Variants in ZCCHC7 observed in about 807,000 individuals in gnomAD.
ZCCHC7 encodes zinc finger CCHC domain-containing protein 7.
In ZCCHC7, 35 loss-of-function variants were observed where a neutral mutation model predicts 52.0. The ratio of observed to expected loss-of-function variants is 0.67; its 90% CI spans 0.51 to 0.89. ZCCHC7 has a LOEUF of 0.89. Ranked by LOEUF, ZCCHC7 falls within the 40% of genes least tolerant of loss-of-function variation. ZCCHC7 has a pLI of 0.00. For synonymous variants in ZCCHC7, 217 were observed against 221.5 expected (o/e 0.98, Z 0.18); for missense variants, 574 against 649.1 (o/e 0.88, Z 1.26).
upstream of ZCCHC7, chr9:37,120,402 G>A: frequency 7.7e-6 from 3 of 389,374 alleles, no homozygotes; most frequent in Non-Finnish European, 1.4e-5. Flanking sequence ...TAATAATTAT[G>A]GGCGGGGCAG....
At chr9:37,213,729 A>G (rs1824360706) in intron 2 of ZCCHC7, among the ~76,000 whole-genome samples, 1 of 152,130 alleles carries the variant, frequency 6.6e-6, no homozygotes, top group East Asian at 1.9e-4. Flanking sequence ...TCACCTCCTG[A>G]GAGTGCCTTT....
intron 2 of ZCCHC7, among the ~76,000 whole-genome samples, chr9:37,269,709 A>G (rs997279431): frequency 4.1e-4 from 62 of 151,818 alleles, no homozygotes; most frequent in Non-Finnish European, 1.2e-4. Context: ...GTGACAGTGA[A>G]GAAAGATTAT....
chr9:37,174,372 A>G (rs1021017938), intron 2 of ZCCHC7, among the ~76,000 whole-genome samples: 17 of 152,212 alleles, frequency 1.1e-4, no homozygotes, highest in African/African-American at 4.1e-4. Context: ...TTACATTCCT[A>G]TCAATACCGT....
At chr9:37,253,920 C>T (rs1826451248) in intron 2 of ZCCHC7, among the ~76,000 whole-genome samples, 1 of 151,820 alleles carries the variant, frequency 6.6e-6, no homozygotes, top group Non-Finnish European at 1.5e-5. Flanking sequence ...TAATTTTATA[C>T]TGGAAATTAG....
chr9:37,317,506 G>C (rs955448051), intron 5 of ZCCHC7, among the ~76,000 whole-genome samples: 2 of 152,182 alleles, frequency 1.3e-5, no homozygotes, highest in Non-Finnish European at 2.9e-5. Context: ...GAGGTCAGGA[G>C]TTCAAGACCA....
rs1169877667 is a variant in ZCCHC7 at position 37,194,947 on chromosome 9, C to CTT, written c.610+68021_610+68022dup. Among the ~76,000 whole-genome samples, 11 of 133,458 alleles carry CTT rather than the reference C, an allele frequency of 8.2e-5. 1 individual carries two copies. Among genetic ancestry groups the CTT allele is most frequent in the African/African-American group, 1.4e-4 (5 of 36,206 alleles). The allele number at this position is 133,458 out of a possible 152,430, so 87.6% of individuals were successfully genotyped here. A position where few individuals can be genotyped will look rare whatever the true frequency, so the allele number is the denominator to read the frequency against. ...TCAGATTTCTTGGATTCTCTTTTTTCTTTTTTTTTTTTTTTTTGAGATGGG... is the reference window on the plus strand; with the variant it reads ...TCAGATTTCTTGGATTCTCTTTTTTCTTTTTTTTTTTTTTTTTTTGAGATGGG... On this transcript the variant is annotated intron_variant, in intron 2 of 8. Transcript: ENST00000336755.
chr9:37,311,794 G>C (rs1283537983), intron 5 of ZCCHC7, among the ~76,000 whole-genome samples: 1 of 152,160 alleles, frequency 6.6e-6, no homozygotes, highest in Non-Finnish European at 1.5e-5. Flanking sequence ...TTTATTTTAA[G>C]GAGAACTCAG....
chr9:37,247,918 AAATAATAATAAT>A lies in ZCCHC7; in HGVS notation c.611-54258_611-54247del, dbSNP rs922086333. 5.9e-5 allele frequency among the ~76,000 whole-genome samples: 9 copies of A among 151,618 alleles called. No individual in the cohort carries two copies. In the South Asian group the frequency reaches 1.2e-3, roughly 21 times the overall value. ...CCTGTCTCAAAAAAAGTAAAAGTAA[AAATAATAATAAT>A]AATAATAATAAAGCTGGAAATCAAG... On this transcript the variant is annotated intron_variant, in intron 2 of 8. Coordinates refer to ENST00000336755, the MANE Select transcript of ZCCHC7 (RefSeq NM_032226.3).
Position 37,123,400 on chromosome 9 carries a change from C to G in ZCCHC7, c.-22+2777C>G, listed in dbSNP as rs535607683. ...ATAAGAGAGCACGTTATGCCCAGCA[C>G]AATTTTCAAGTACAGACGGTACAAA... On this transcript the variant is annotated intron_variant, in intron 1 of 8. Transcript: ENST00000336755. Among the ~76,000 whole-genome samples the G allele has an allele frequency of 3.3e-5, 5 of 152,282 alleles. 1 individual carries two copies. The South Asian group carries it at 1.0e-3, about 32-fold the overall frequency.
intron 2 of ZCCHC7, among the ~76,000 whole-genome samples, chr9:37,290,515 G>C (rs190336980): frequency 6.6e-6 from 1 of 152,204 alleles, no homozygotes; most frequent in East Asian, 1.9e-4. Flanking sequence ...AGTTAGCCAA[G>C]TGTGGTGGCA....
rs758461556 is a variant in ZCCHC7, at chr9:37,170,290, G to A, written c.610+43348G>A. Among the ~76,000 whole-genome samples the A allele has an allele frequency of 2.6e-5, 4 of 152,096 alleles. No homozygotes were observed. The South Asian group carries it at 8.3e-4, about 32-fold the overall frequency. ...CATAGACATATTGTAGTTCTCAGAG[G>A]CTATTCATATGTATGAGAAATTTTT... is the stretch of plus-strand genomic sequence containing the variant. On this transcript the variant is annotated intron_variant, in intron 2 of 8. Coordinates refer to ENST00000336755, the MANE Select transcript of ZCCHC7 (RefSeq NM_032226.3).
intron 2 of ZCCHC7, among the ~76,000 whole-genome samples, chr9:37,278,211 C>G (rs1257000103): frequency 6.6e-6 from 1 of 151,762 alleles, no homozygotes; most frequent in Non-Finnish European, 1.5e-5. Flanking sequence ...AGGTGGGTGC[C>G]AACACAACTG....
chr9:37,258,582 C>G (rs1234165118), intron 2 of ZCCHC7, among the ~76,000 whole-genome samples: 1 of 151,452 alleles, frequency 6.6e-6, no homozygotes, highest in Non-Finnish European at 1.5e-5. Context: ...CATGGTGGGA[C>G]CCAGCTCTAC....
chr9:37,265,808 T>C (rs1474493555), intron 2 of ZCCHC7, among the ~76,000 whole-genome samples: 1 of 152,184 alleles, frequency 6.6e-6, no homozygotes, highest in Admixed American at 6.5e-5. Flanking sequence ...TAGCCTAGAA[T>C]TGACACCCCT....
chr9:37,147,851 T>C (rs1052391146), intron 2 of ZCCHC7, among the ~76,000 whole-genome samples: 2 of 152,042 alleles, frequency 1.3e-5, no homozygotes, highest in South Asian at 4.1e-4. Context: ...ATTGCATTTT[T>C]AAAAAAATCT....
intron 2 of ZCCHC7, among the ~76,000 whole-genome samples, chr9:37,254,692 C>A (rs1322588514): frequency 6.6e-6 from 1 of 151,910 alleles, no homozygotes; most frequent in Non-Finnish European, 1.5e-5. Flanking sequence ...AAAGTACATA[C>A]GAGTTGAGTA....
intron 2 of ZCCHC7, among the ~76,000 whole-genome samples, chr9:37,292,760 T>G (rs1828598794): frequency 6.6e-6 from 1 of 152,168 alleles, no homozygotes; most frequent in South Asian, 2.1e-4. Context: ...TTTTAGTATT[T>G]TTAGAGTTTT....
intron 2 of ZCCHC7, among the ~76,000 whole-genome samples, chr9:37,208,847 C>T (rs1824058900): frequency 6.6e-6 from 1 of 152,132 alleles, no homozygotes; most frequent in South Asian, 2.1e-4. Context: ...CATTTCTTTG[C>T]ACACAGCTCA....
chr9:37,324,817 G>T (rs1349597853), intron 5 of ZCCHC7, among the ~76,000 whole-genome samples: 1 of 152,194 alleles, frequency 6.6e-6, no homozygotes, highest in Non-Finnish European at 1.5e-5. Flanking sequence ...GCCGCTTAGT[G>T]CTGTTTTTGT....
Sources: gnomAD v4.1 joint callset for allele counts (sites outside exome capture counted in the v4.1 genomes callset) on GRCh38, gnomAD v4.1.1 for gene constraint, MANE v1.5 for transcripts, NCBI Gene and HGNC (gene_info 2026-07-23, HGNC 2026-07-21) for gene names.